ATP13A4: variants seen among roughly 807,000 people sequenced by gnomAD.
ATP13A4 encodes ATPase 13A4.
A neutral mutation model predicts 142.5 loss-of-function variants in ATP13A4; 114 were observed. The observed-to-expected ratio is 0.80, with a 90% confidence interval of 0.69 to 0.93. The LOEUF (loss-of-function observed/expected upper bound fraction) is 0.93, where lower values mean the gene tolerates loss of function less well. ATP13A4 is among the 40% of genes least tolerant of loss of function. The probability of loss-of-function intolerance (pLI) is 0.00; values close to 1 mark genes in which losing one functional copy is unlikely to be tolerated. For missense variants in ATP13A4, 1,392 were observed against 1,454.0 expected, an observed-to-expected ratio of 0.96 and a Z score of 0.69; for synonymous variants, 488 against 514.8, an observed-to-expected ratio of 0.95 and a Z score of 0.70.
intron 2 of ATP13A4, among the ~76,000 whole-genome samples, chr3:193,580,385 C>G (rs1724512874): frequency 6.6e-6 from 1 of 152,110 alleles, no homozygotes; most frequent in Non-Finnish European, 1.5e-5. Flanking sequence ...GCCCTTCCTA[C>G]CACCAAGGAT....
intron 25 of ATP13A4, among the ~76,000 whole-genome samples, chr3:193,422,170 G>A (rs568441106): frequency 2.7e-5 from 4 of 149,960 alleles, no homozygotes; most frequent in East Asian, 4.1e-4. Context: ...TAAAGCAGAC[G>A]TCAAGTCAAA....
chr3:193,518,731 C>A (rs928107663), intron 1 of ATP13A4, among the ~76,000 whole-genome samples: 1 of 152,212 alleles, frequency 6.6e-6, no homozygotes, highest in African/African-American at 2.4e-5. Context: ...GAAAAAAGAA[C>A]CAGCCAGAGC....
intron 7 of ATP13A4, among the ~76,000 whole-genome samples, chr3:193,488,213 A>C (rs563751483): frequency 2.0e-5 from 3 of 152,322 alleles, no homozygotes; most frequent in Admixed American, 6.5e-5. Context: ...GCAGTGAGCC[A>C]AGATCACACC....
At chr3:193,416,412 A>G (rs1715065215) in intron 25 of ATP13A4, among the ~76,000 whole-genome samples, 1 of 152,240 alleles carries the variant, frequency 6.6e-6, no homozygotes, top group African/African-American at 2.4e-5. Flanking sequence ...TGAAATAACT[A>G]AGGGAAACCA....
At chr3:193,551,691 G>A (rs1723576052) in intron 1 of ATP13A4, among the ~76,000 whole-genome samples, 1 of 152,236 alleles carries the variant, frequency 6.6e-6, no homozygotes, top group Non-Finnish European at 1.5e-5. Flanking sequence ...ACTGAGGCTA[G>A]AGCAGGCAAG....
intron 23 of ATP13A4, among the ~76,000 whole-genome samples, chr3:193,437,518 T>C (rs1363234364): frequency 6.6e-6 from 1 of 152,166 alleles, no homozygotes; most frequent in Admixed American, 6.5e-5. Context: ...ATAAAATTAA[T>C]TCTAAGACAA....
At chr3:193,431,016 G>T (rs928241131) in intron 25 of ATP13A4, among the ~76,000 whole-genome samples, 3 of 152,004 alleles carry the variant, frequency 2.0e-5, no homozygotes, top group Non-Finnish European at 4.4e-5. Context: ...AATGGAGGGG[G>T]GGAATCACAG....
intron 25 of ATP13A4, among the ~76,000 whole-genome samples, chr3:193,418,211 G>C (rs1204257926): frequency 9.3e-5 from 13 of 140,108 alleles, no homozygotes; most frequent in African/African-American, 3.5e-4. Flanking sequence ...CAGCTACTCA[G>C]GAGGCTGAGG....
chr3:193,493,805 C>T (rs949175137), intron 3 of ATP13A4, among the ~76,000 whole-genome samples: 4 of 152,016 alleles, frequency 2.6e-5, no homozygotes, highest in Non-Finnish European at 5.9e-5. Context: ...CTACATAAGT[C>T]CTCGGTAAGG....
Position 193,574,780 on chromosome 3 carries a change from T to G in ATP13A4, n.291+6927A>C, listed in dbSNP as rs562104852. Among the ~76,000 whole-genome samples, 4 of 152,128 alleles carry G rather than the reference T, an allele frequency of 2.6e-5. No individual in the cohort carries two copies. The South Asian group carries it at 8.3e-4, about 32-fold the overall frequency. On this transcript the variant is annotated intron_variant and non_coding_transcript_variant, in intron 2 of 3. Coordinates refer to the ATP13A4 transcript ENST00000489140. ...TCTGATTCTGTAATGGGACAAAACG[T>G]GTGTGTTGAAAAGGAGTGTGTGTGG...
intron 14 of ATP13A4, 159 bp downstream of exon 14, chr3:193,458,922 C>T: frequency 4.3e-6 from 4 of 921,860 alleles, no homozygotes; most frequent in Non-Finnish European, 7.1e-6. Flanking sequence ...CTTCATTGCA[C>T]AGATGAGGAA....
chr3:193,494,382 C>CA (rs1039160528), intron 3 of ATP13A4, among the ~76,000 whole-genome samples: 11 of 151,982 alleles, frequency 7.2e-5, no homozygotes, highest in African/African-American at 2.7e-4. Context: ...CATTAGGTCA[C>CA]AAAAAAGTCT....
chr3:193,453,860 T>C (rs1717422578), intron 17 of ATP13A4, among the ~76,000 whole-genome samples: 1 of 152,216 alleles, frequency 6.6e-6, no homozygotes, highest in Non-Finnish European at 1.5e-5. Context: ...TATATGACTA[T>C]TTCTCATAAA....
chr3:193,554,666 G>C, intron 1 of ATP13A4, 74 bp downstream of exon 1: 1 of 1,175,490 alleles, frequency 8.5e-7, no homozygotes, highest in Non-Finnish European at 1.2e-6. Flanking sequence ...GTGTGTGTGT[G>C]TGTGTGTGTG....
At chr3:193,546,587 T>C (rs908480992) in intron 1 of ATP13A4, among the ~76,000 whole-genome samples, 4 of 152,196 alleles carry the variant, frequency 2.6e-5, no homozygotes, top group African/African-American at 9.7e-5. Flanking sequence ...AAGTGCTGCA[T>C]GGTTGTAAGA....
At chr3:193,579,545 A>T (rs28650108) in intron 2 of ATP13A4, 4,211 of 151,850 alleles carry the variant, frequency 0.028, 206 homozygotes, top group African/African-American at 0.097. Flanking sequence ...TTGGTGGCAG[A>T]GTTAGGCAGT....
chr3:193,545,621 C>G (rs1163913515), intron 1 of ATP13A4, among the ~76,000 whole-genome samples: 1 of 152,138 alleles, frequency 6.6e-6, no homozygotes, highest in Non-Finnish European at 1.5e-5. Flanking sequence ...CTTCACAAAG[C>G]CTTGAAATGG....
intron 25 of ATP13A4, among the ~76,000 whole-genome samples, chr3:193,421,472 A>C (rs1051977851): frequency 6.7e-6 from 1 of 149,924 alleles, no homozygotes; most frequent in African/African-American, 2.4e-5. Flanking sequence ...TGAAAGTATA[A>C]AATTCACTGA....
At chr3:193,418,484 A>G (rs1207537333) in intron 25 of ATP13A4, among the ~76,000 whole-genome samples, 2 of 149,724 alleles carry the variant, frequency 1.3e-5, no homozygotes. Flanking sequence ...GAAACCCTGT[A>G]GAGCACAGAA....
Sources: gnomAD v4.1 joint callset for allele counts (sites outside exome capture counted in the v4.1 genomes callset) on GRCh38, gnomAD v4.1.1 for gene constraint, MANE v1.5 for transcripts, NCBI Gene and HGNC (gene_info 2026-07-23, HGNC 2026-07-21) for gene names.